Variants in XPNPEP2 observed in about 807,000 individuals in gnomAD.
XPNPEP2 encodes the protein X-prolyl aminopeptidase 2, also known as xaa-Pro aminopeptidase 2.
XPNPEP2 carries 64 observed loss-of-function variants against 59.8 expected under a neutral mutation model. The observed-to-expected ratio is 1.07, with a 90% CI of 0.87 to 1.32. The LOEUF is 1.32. Ranked by LOEUF, XPNPEP2 falls within the 40% of genes most tolerant of loss-of-function variation. The pLI, the probability that XPNPEP2 is intolerant of heterozygous loss-of-function variation, is 0.00. For missense variants in XPNPEP2, 575 were observed against 546.8 expected, an observed-to-expected ratio of 1.05 and a Z score of -0.51; for synonymous variants, 235 against 210.0, an observed-to-expected ratio of 1.12 and a Z score of -1.03.
At chrX:129,761,609 G>A (rs762926559) in intron 17 of XPNPEP2, among the ~76,000 whole-genome samples, 3 of 112,204 alleles carry the variant, frequency 2.7e-5, no homozygotes, top group Non-Finnish European at 5.6e-5. Context: ...ATCACTTGAG[G>A]CCAGGAGTTT....
rs199958008 is a variant in XPNPEP2, at chrX:129,747,596, T to C, written c.491-11T>C. On this transcript the variant is annotated splice_polypyrimidine_tract_variant and intron_variant, in intron 6 of 20. Coordinates refer to ENST00000371106, the MANE Select transcript of XPNPEP2 (RefSeq NM_003399.6). ...GGGCAAGGGACAAGTGACTCCTTCT[T>C]GTCTCTGCAGACACCTGGGAGAGTT... 7 of 1,208,504 alleles carry C rather than the reference T, an allele frequency of 5.8e-6. No individual in the cohort carries two copies. In the African/African-American group the frequency reaches 8.7e-5, roughly 15 times the overall value.
At chrX:129,746,145 T>C (rs1390378703) in intron 4 of XPNPEP2, 91 bp from the exon 5 acceptor site, 1 of 753,507 alleles carries the variant, frequency 1.3e-6, no homozygotes, top group East Asian at 3.4e-5. Flanking sequence ...CTTGTGGCAT[T>C]CTCAGAGCCA....
In XPNPEP2 at chrX:129,747,497, C is replaced by T. The variant is rs895143919; in HGVS notation, c.491-110C>T. The T allele has an allele frequency of 3.7e-6, 4 of 1,092,526 alleles. No individual in the cohort carries two copies. The African/African-American group carries it at 5.5e-5, about 15-fold the overall frequency. 90.0% of individuals were successfully genotyped at this position (1,092,526 alleles called of 1,213,427 possible). On this transcript the variant is annotated intron_variant, in intron 6 of 20. Coordinates refer to ENST00000371106, the MANE Select transcript of XPNPEP2 (RefSeq NM_003399.6). ...GGCTGCTGGGGCAGGCTCCGGGCAG[C>T]TGGGCTGCAAAGGGAGGCAAAGGGA... is the stretch of plus-strand genomic sequence containing the variant.
chrX:129,743,084 C>G lies in XPNPEP2; in HGVS notation c.124-877C>G, dbSNP rs778644639. On this transcript the variant is annotated intron_variant, in intron 2 of 20. Coordinates refer to ENST00000371106, the MANE Select transcript of XPNPEP2 (RefSeq NM_003399.6). ...TAGGGCTAAGGGGTAGGCATGCCAG[C>G]AGCACTGTAAGCCATGGGAAAAACG... 4.5e-4 allele frequency among the ~76,000 whole-genome samples: 50 copies of G among 111,925 alleles called. No individual in the cohort carries two copies. In the South Asian group the frequency reaches 5.9e-3, roughly 13 times the overall value.
At chrX:129,758,656 C>T (rs911127623) in intron 14 of XPNPEP2, among the ~76,000 whole-genome samples, 21 of 112,080 alleles carry the variant, frequency 1.9e-4, no homozygotes, top group Admixed American at 2.8e-4. Context: ...GGGAAACAGC[C>T]GCATGGCCTC....
intron 4 of XPNPEP2, 35 bp from the exon 5 acceptor site, chrX:129,746,201 C>A (rs1395305920): frequency 8.6e-7 from 1 of 1,167,764 alleles, no homozygotes; most frequent in Non-Finnish European, 1.2e-6. Context: ...TCCTCCCCTT[C>A]ACCCTCACCT....
At chrX:129,766,214 ATCTTT>A (rs1926749193) in intron 19 of XPNPEP2, among the ~76,000 whole-genome samples, 1 of 111,907 alleles carries the variant, frequency 8.9e-6, no homozygotes, top group African/African-American at 3.3e-5. Flanking sequence ...AGAGTTATTA[ATCTTT>A]TCCTTCATAG....
intron 18 of XPNPEP2, 41 bp downstream of exon 18, chrX:129,762,106 G>T: frequency 8.5e-7 from 1 of 1,179,594 alleles, no homozygotes. Context: ...CCCCATCCCA[G>T]AGCAGGACTA....
At chrX:129,757,891 GAGAGAAAGAAAGAAAGAAAGAAAGAA>G (rs1399760708) in intron 14 of XPNPEP2, among the ~76,000 whole-genome samples, 1,440 of 67,994 alleles carry the variant, frequency 0.021, 25 homozygotes, top group Middle Eastern at 0.046. Context: ...GAGAGAGAGA[GAGAGAAAGAAAGAAAGAAAGAAAGAA>G]AGAAAGAAAG....
intron 1 of XPNPEP2, among the ~76,000 whole-genome samples, chrX:129,740,874 G>A (rs1437947687): frequency 1.9e-5 from 2 of 104,961 alleles, no homozygotes; most frequent in Admixed American, 1.0e-4. Flanking sequence ...CCCGGGAGGC[G>A]GAGGTTGCAG....
At chrX:129,742,683 C>T (rs1313685360) in intron 2 of XPNPEP2, among the ~76,000 whole-genome samples, 2 of 110,841 alleles carry the variant, frequency 1.8e-5, no homozygotes, top group African/African-American at 6.6e-5. Flanking sequence ...AGGTGGATCA[C>T]CTGAGGTCAG....
intron 17 of XPNPEP2, among the ~76,000 whole-genome samples, chrX:129,761,697 G>T (rs1207036972): frequency 8.9e-5 from 10 of 112,005 alleles, no homozygotes; most frequent in Admixed American, 4.7e-4. Context: ...GGTGGCATGT[G>T]CCTGTAGTCC....
chrX:129,762,204 C>G, intron 18 of XPNPEP2, 139 bp downstream of exon 18: 1 of 624,614 alleles, frequency 1.6e-6, no homozygotes, highest in Non-Finnish European at 2.6e-6. Flanking sequence ...CCATTCCCAC[C>G]GCTACGCCCA....
intron 19 of XPNPEP2, among the ~76,000 whole-genome samples, chrX:129,763,367 T>A (rs974593732): frequency 3.6e-5 from 4 of 111,932 alleles, no homozygotes. Flanking sequence ...GCTAGGAAAA[T>A]TCTGAAAAAG....
chrX:129,747,483 C>A, intron 6 of XPNPEP2, 124 bp from the exon 7 acceptor site: 1 of 996,319 alleles, frequency 1.0e-6, no homozygotes, highest in Non-Finnish European at 1.4e-6. Flanking sequence ...GCTGCTGGGG[C>A]AGGCTCCGGG....
intron 14 of XPNPEP2, among the ~76,000 whole-genome samples, chrX:129,757,893 GAGAAAGAAAGAAAGAAAGAAA>G (rs1421363485): frequency 7.7e-5 from 4 of 51,782 alleles, no homozygotes; most frequent in African/African-American, 1.0e-4. Context: ...GAGAGAGAGA[GAGAAAGAAAGAAAGAAAGAAA>G]GAAAGAAAGA....
intron 11 of XPNPEP2, 33 bp from the exon 12 acceptor site, chrX:129,754,439 G>A (rs369858243): frequency 1.1e-5 from 12 of 1,138,807 alleles, no homozygotes; most frequent in African/African-American, 3.7e-5. Context: ...GACCTCACCC[G>A]GCTCCTCTGT....
chrX:129,756,898 T>A (rs1926528316), intron 14 of XPNPEP2, among the ~76,000 whole-genome samples: 1 of 105,242 alleles, frequency 9.5e-6, no homozygotes, highest in Non-Finnish European at 1.9e-5. Context: ...AGTGGCGCGA[T>A]CTTGGCTCAC....
intron 6 of XPNPEP2, 131 bp from the exon 7 acceptor site, chrX:129,747,476 G>T: frequency 8.6e-6 from 8 of 934,155 alleles, no homozygotes; most frequent in Non-Finnish European, 1.2e-5. Flanking sequence ...TGGGCAGGCT[G>T]CTGGGGCAGG....
Sources: gnomAD v4.1 joint callset for allele counts (sites outside exome capture counted in the v4.1 genomes callset) on GRCh38, gnomAD v4.1.1 for gene constraint, MANE v1.5 for transcripts, NCBI Gene and HGNC (gene_info 2026-07-23, HGNC 2026-07-21) for gene names.